ARB2A: variants seen among roughly 807,000 people sequenced by gnomAD.
The protein encoded by ARB2A is cotranscriptional regulator ARB2A.
At chr5:94,030,070 C>A in the ARB2A span, among the ~76,000 whole-genome samples, 1 of 152,164 alleles carries the variant, frequency 6.6e-6, no homozygotes, top group African/African-American at 2.4e-5. Context: ...ACAAGAAAAA[C>A]TTGCCCTCAT....
the ARB2A span, among the ~76,000 whole-genome samples, chr5:94,106,779 C>A: frequency 6.7e-5 from 10 of 148,682 alleles, no homozygotes; most frequent in Non-Finnish European, 1.2e-4. Context: ...ATATACACCA[C>A]GGAACACCAC....
At chr5:93,729,355 C>G in the ARB2A span, among the ~76,000 whole-genome samples, 11 of 152,094 alleles carry the variant, frequency 7.2e-5, no homozygotes, top group Non-Finnish European at 1.0e-4. Context: ...TAGCCCTTAA[C>G]AGGTGCTAAT....
the ARB2A span, among the ~76,000 whole-genome samples, chr5:93,655,467 T>C: frequency 6.6e-6 from 1 of 152,204 alleles, no homozygotes; most frequent in East Asian, 1.9e-4. Flanking sequence ...TCCTTAATCC[T>C]TGTGTCACCT....
At chr5:93,943,546 T>C in the ARB2A span, among the ~76,000 whole-genome samples, 2 of 152,276 alleles carry the variant, frequency 1.3e-5, no homozygotes, top group African/African-American at 4.8e-5. Flanking sequence ...AAAATAAGCA[T>C]GTCCTATATT....
chr5:93,851,219 A>T, the ARB2A span, among the ~76,000 whole-genome samples: 1 of 152,202 alleles, frequency 6.6e-6, no homozygotes, highest in East Asian at 1.9e-4. Context: ...AGAAGAATGA[A>T]TATTTAAATA....
At chr5:93,778,185 T>C in the ARB2A span, among the ~76,000 whole-genome samples, 1 of 152,218 alleles carries the variant, frequency 6.6e-6, no homozygotes, top group African/African-American at 2.4e-5. Context: ...TAATCTTAAT[T>C]AGCAGTTGAA....
the ARB2A span, chr5:94,050,878 C>A: frequency 7.8e-7 from 1 of 1,283,028 alleles, no homozygotes; most frequent in Admixed American, 2.1e-5. Flanking sequence ...AGTATATTGA[C>A]AATAATATAA....
the ARB2A span, among the ~76,000 whole-genome samples, chr5:94,014,286 C>G: frequency 1.3e-5 from 2 of 152,210 alleles, no homozygotes; most frequent in African/African-American, 4.8e-5. Flanking sequence ...GAGGCCTCCC[C>G]CATTTGGGAT....
the ARB2A span, among the ~76,000 whole-genome samples, chr5:94,069,250 A>G: frequency 6.6e-6 from 1 of 152,230 alleles, no homozygotes; most frequent in African/African-American, 2.4e-5. Context: ...TAGAAGAATG[A>G]AACTGGAGCC....
the ARB2A span, among the ~76,000 whole-genome samples, chr5:93,768,470 T>C: frequency 2.0e-5 from 3 of 150,166 alleles, no homozygotes; most frequent in Admixed American, 2.0e-4. Flanking sequence ...CCACTATATA[T>C]ATATATATAT....
chr5:94,019,355 G>T, the ARB2A span, among the ~76,000 whole-genome samples: 2 of 151,490 alleles, frequency 1.3e-5, no homozygotes, highest in South Asian at 4.1e-4. Flanking sequence ...AATAGAAACT[G>T]CAACCTATAG....
the ARB2A span, chr5:93,776,159 C>G: frequency 1.9e-6 from 3 of 1,605,280 alleles, no homozygotes; most frequent in Non-Finnish European, 2.6e-6. Context: ...AAACACATAC[C>G]TGCTGAGACC....
the ARB2A span, among the ~76,000 whole-genome samples, chr5:93,969,344 T>G: frequency 6.6e-6 from 1 of 152,060 alleles, no homozygotes; most frequent in Non-Finnish European, 1.5e-5. Flanking sequence ...AGATGTCTAG[T>G]GTCATTTGAA....
the ARB2A span, among the ~76,000 whole-genome samples, chr5:93,748,024 A>G: frequency 6.6e-6 from 1 of 152,202 alleles, no homozygotes; most frequent in Non-Finnish European, 1.5e-5. Context: ...AATCTAGTTA[A>G]TGTCCAGTTA....
chr5:94,021,230 G>A, the ARB2A span, among the ~76,000 whole-genome samples: 1 of 152,122 alleles, frequency 6.6e-6, no homozygotes, highest in South Asian at 2.1e-4. Flanking sequence ...GTTTATACAG[G>A]AAAAGAGAAA....
At chr5:93,683,871 T>G in the ARB2A span, among the ~76,000 whole-genome samples, 1 of 152,218 alleles carries the variant, frequency 6.6e-6, no homozygotes, top group Non-Finnish European at 1.5e-5. Context: ...TGAATTCTTT[T>G]TAAGATGTAA....
At chr5:93,827,885 T>G in the ARB2A span, among the ~76,000 whole-genome samples, 1 of 152,146 alleles carries the variant, frequency 6.6e-6, no homozygotes, top group African/African-American at 2.4e-5. Context: ...TTTCTCAGGT[T>G]TGTCAAAGAT....
the ARB2A span, among the ~76,000 whole-genome samples, chr5:94,032,009 T>G: frequency 6.6e-6 from 1 of 152,278 alleles, no homozygotes; most frequent in South Asian, 2.1e-4. Context: ...TTATGTTAGC[T>G]TCTTCCTAGA....
the ARB2A span, among the ~76,000 whole-genome samples, chr5:94,023,078 A>C: frequency 1.3e-5 from 2 of 152,202 alleles, no homozygotes; most frequent in Non-Finnish European, 2.9e-5. Flanking sequence ...TAACCAAGAA[A>C]CTGATTATAC....
Sources: gnomAD v4.1 joint callset for allele counts (sites outside exome capture counted in the v4.1 genomes callset) on GRCh38, gnomAD v4.1.1 for gene constraint, MANE v1.5 for transcripts, NCBI Gene and HGNC (gene_info 2026-07-23, HGNC 2026-07-21) for gene names.